CYTH3: variants seen among roughly 807,000 people sequenced by gnomAD.
CYTH3 encodes cytohesin 3.
A neutral mutation model predicts 55.1 loss-of-function variants in CYTH3; 23 were observed. The observed-to-expected ratio is 0.42, with a 90% confidence interval of 0.30 to 0.59. The LOEUF (loss-of-function observed/expected upper bound fraction) is 0.59, where lower values mean the gene tolerates loss of function less well. CYTH3 is among the 20% of genes least tolerant of loss of function. The pLI, the probability that CYTH3 is intolerant of heterozygous loss-of-function variation, is 0.20. For synonymous variants in CYTH3, 249 were observed against 194.9 expected (o/e 1.28, Z -2.31); for missense variants, 413 against 524.8 (o/e 0.79, Z 2.08).
intron 1 of CYTH3, among the ~76,000 whole-genome samples, chr7:6,245,568 C>G (rs1255938106): frequency 6.6e-6 from 1 of 152,220 alleles, no homozygotes; most frequent in Non-Finnish European, 1.5e-5. Context: ...CCAAGCGTTT[C>G]TACCTCCAAG....
At chr7:6,172,547 C>T (rs922694051) in intron 6 of CYTH3, among the ~76,000 whole-genome samples, 1 of 152,138 alleles carries the variant, frequency 6.6e-6, no homozygotes, top group Non-Finnish European at 1.5e-5. Context: ...GCTCCTCAGG[C>T]CACAGGACCT....
intron 1 of CYTH3, among the ~76,000 whole-genome samples, chr7:6,261,689 CAAAAAAAAAAAAAA>C (rs71549614): frequency 2.1e-5 from 1 of 47,490 alleles, no homozygotes; most frequent in South Asian, 8.3e-4. Context: ...GACCCTGTCT[CAAAAAAAAAAAAAA>C]AAAAAAAAAA....
At chr7:6,238,848 T>C (rs934215956) in intron 1 of CYTH3, among the ~76,000 whole-genome samples, 1 of 151,896 alleles carries the variant, frequency 6.6e-6, no homozygotes, top group Non-Finnish European at 1.5e-5. Flanking sequence ...AACCTAAATC[T>C]GCTCCAAAAA....
At chr7:6,231,717 T>C (rs1779394733) in intron 1 of CYTH3, among the ~76,000 whole-genome samples, 1 of 152,198 alleles carries the variant, frequency 6.6e-6, no homozygotes. Flanking sequence ...TAAAAACTTA[T>C]CACAGGTAAG....
intron 9 of CYTH3, among the ~76,000 whole-genome samples, chr7:6,166,261 G>T (rs139488697): frequency 1.3e-3 from 195 of 152,354 alleles, no homozygotes; most frequent in African/African-American, 4.2e-3. Context: ...AATTAATTTT[G>T]TAACAAGATC....
chr7:6,272,484 C>A lies in CYTH3; in HGVS notation c.24G>T (p.Glu8Asp). The A allele has an allele frequency of 7.3e-7, 1 of 1,370,402 alleles. No individual in the cohort carries two copies. The highest frequency in any genetic ancestry group is 9.5e-7 in the Non-Finnish European group (1 of 1,052,336). 84.9% of individuals were successfully genotyped at this position (1,370,402 alleles called of 1,614,324 possible). MDEDGGGEGGGVPEDLSL... is the reference protein window; with the variant it reads MDEDGGGDGGGVPEDLSL... Reference sequence around the variant, plus strand: ...ACCTCCGACACTCACCGCCACCACCCTCGCCGCCGCCGTCTTCATCCATCT... The same window carrying A: ...ACCTCCGACACTCACCGCCACCACCATCGCCGCCGCCGTCTTCATCCATCT... Residue 8 changes from glutamate (E) to aspartate (D), a missense_variant, in exon 1 of 13, where the codon GAG becomes GAT. Coordinates refer to ENST00000350796, the MANE Select transcript of CYTH3 (RefSeq NM_004227.4).
At chr7:6,207,955 G>A (rs779425317) in intron 1 of CYTH3, among the ~76,000 whole-genome samples, 2 of 151,926 alleles carry the variant, frequency 1.3e-5, no homozygotes, top group African/African-American at 2.4e-5. Context: ...GTCTTGGGGG[G>A]GTGGGGGGAA....
intron 1 of CYTH3, among the ~76,000 whole-genome samples, chr7:6,259,745 T>TA (rs1170013547): frequency 8.7e-4 from 15 of 17,230 alleles, no homozygotes; most frequent in African/African-American, 4.1e-3. Context: ...ATATATATAA[T>TA]ATATATATAT....
chr7:6,212,557 TAAA>T (rs1034435620), intron 1 of CYTH3: 7 of 151,622 alleles, frequency 4.6e-5, no homozygotes, highest in African/African-American at 1.7e-4. Flanking sequence ...GGCATAAATA[TAAA>T]AAAAAAGTTC....
chr7:6,195,883 TA>T (rs1349959261), intron 1 of CYTH3, among the ~76,000 whole-genome samples: 5 of 152,180 alleles, frequency 3.3e-5, no homozygotes, highest in African/African-American at 1.2e-4. Flanking sequence ...ATGACATGAA[TA>T]TACACCTCCA....
intron 1 of CYTH3, among the ~76,000 whole-genome samples, chr7:6,207,522 T>A (rs769432607): frequency 2.0e-5 from 3 of 152,104 alleles, no homozygotes; most frequent in Non-Finnish European, 4.4e-5. Flanking sequence ...CCCAGTACTT[T>A]GGGAAGCCAA....
chr7:6,263,797 T>A (rs1203982028), intron 1 of CYTH3, among the ~76,000 whole-genome samples: 2 of 147,554 alleles, frequency 1.4e-5, no homozygotes, highest in East Asian at 3.9e-4. Context: ...GGACACTAAC[T>A]TCAGGAAAAA....
intron 1 of CYTH3, among the ~76,000 whole-genome samples, chr7:6,229,318 TAAAG>T (rs987564359): frequency 1.8e-4 from 28 of 152,316 alleles, no homozygotes; most frequent in African/African-American, 6.0e-4. Context: ...TTTAAACTTA[TAAAG>T]AAATTATACT....
chr7:6,188,537 G>A lies in CYTH3; in HGVS notation c.118-816C>T, dbSNP rs571372924. Among the ~76,000 whole-genome samples the A allele has an allele frequency of 7.2e-5, 11 of 152,172 alleles. No homozygotes were observed. The South Asian group carries it at 2.3e-3, about 32-fold the overall frequency. On this transcript the variant is annotated intron_variant, in intron 2 of 12. Transcript: ENST00000350796. ...TGGTCTCAGGCTGAAGCTCAGGTGTGTTTAGGTCAGTGGTCTCAGGATCAC... is the reference window on the plus strand; with the variant it reads ...TGGTCTCAGGCTGAAGCTCAGGTGTATTTAGGTCAGTGGTCTCAGGATCAC...
At chr7:6,166,564 G>A (rs981164756) in intron 9 of CYTH3, among the ~76,000 whole-genome samples, 1 of 152,200 alleles carries the variant, frequency 6.6e-6, no homozygotes, top group Non-Finnish European at 1.5e-5. Context: ...CCCTAAGTGG[G>A]GGCCAGCACG....
At chr7:6,249,232 G>A (rs1468261578) in intron 1 of CYTH3, among the ~76,000 whole-genome samples, 1 of 152,126 alleles carries the variant, frequency 6.6e-6, no homozygotes, top group East Asian at 1.9e-4. Flanking sequence ...GGCTTCTCTT[G>A]GGGATGAAAA....
At chr7:6,241,354 C>G (rs1407061344) in intron 1 of CYTH3, among the ~76,000 whole-genome samples, 2 of 152,136 alleles carry the variant, frequency 1.3e-5, no homozygotes, top group Admixed American at 1.3e-4. Flanking sequence ...AGAGCAAATG[C>G]AAACTAAACG....
At chr7:6,176,240 T>C (rs1048943011) in intron 5 of CYTH3, among the ~76,000 whole-genome samples, 2 of 150,574 alleles carry the variant, frequency 1.3e-5, no homozygotes, top group African/African-American at 4.9e-5. Context: ...TGCTATTGTA[T>C]AGAAATACAA....
At chr7:6,261,150 A>C (rs150698324) in intron 1 of CYTH3, among the ~76,000 whole-genome samples, 181 of 152,286 alleles carry the variant, frequency 1.2e-3, no homozygotes, top group African/African-American at 4.2e-3. Flanking sequence ...AAGTGAGCCC[A>C]ATCACCGGGG....
Sources: allele counts gnomAD v4.1 joint callset (sites outside exome capture counted in the v4.1 genomes callset), GRCh38; gene constraint gnomAD v4.1.1; transcripts MANE v1.5; gene names NCBI Gene and HGNC (gene_info 2026-07-23, HGNC 2026-07-21).